GABRR2: variants seen among roughly 807,000 people sequenced by gnomAD.
GABRR2 encodes gamma-aminobutyric acid receptor subunit rho-2.
A neutral mutation model predicts 47.0 loss-of-function variants in GABRR2; 36 were observed. The observed-to-expected ratio is 0.77, with a 90% confidence interval of 0.59 to 1.01. GABRR2 has a LOEUF of 1.01. GABRR2 is among the 50% of genes least tolerant of loss of function. The probability of loss-of-function intolerance (pLI) is 0.00; values close to 1 mark genes in which losing one functional copy is unlikely to be tolerated. For missense variants in GABRR2, 587 were observed against 594.6 expected (o/e 0.99, Z 0.13); for synonymous variants, 204 against 227.5 (o/e 0.90, Z 0.93).
intron 2 of GABRR2, among the ~76,000 whole-genome samples, chr6:89,283,769 T>A (rs182319821): frequency 1.5e-3 from 224 of 152,280 alleles, no homozygotes; most frequent in African/African-American, 5.1e-3. Context: ...GAGCTCCCTG[T>A]GAATAGCACA....
At chr6:89,281,774 C>T (rs771854872) in intron 2 of GABRR2, among the ~76,000 whole-genome samples, 46 of 152,096 alleles carry the variant, frequency 3.0e-4, no homozygotes, top group Non-Finnish European at 5.7e-4. Context: ...TGCCACTAAG[C>T]GCTTCTCTGG....
chr6:89,263,802 C>T (rs1310411177), intron 8 of GABRR2, among the ~76,000 whole-genome samples: 3 of 152,214 alleles, frequency 2.0e-5, no homozygotes, highest in African/African-American at 7.2e-5. Context: ...GGATTATAGG[C>T]GTGAGCCACC....
chr6:89,299,882 G>T lies in GABRR2; in HGVS notation c.114-17C>A, dbSNP rs201286050. 5 of 1,534,400 alleles carry T rather than the reference G, an allele frequency of 3.3e-6. No individual in the cohort carries two copies. Among genetic ancestry groups the T allele is most frequent in the Non-Finnish European group, 4.5e-6 (5 of 1,107,426 alleles). ...TATAAGTGACTGTGAAGACAAGCAA[G>T]AAACTATTTTCCATCGGCTCTTCAA... On this transcript the variant is annotated splice_polypyrimidine_tract_variant and intron_variant, in intron 1 of 8. Transcript: ENST00000402938.
At chr6:89,311,745 G>A (rs1047070620) in intron 1 of GABRR2, among the ~76,000 whole-genome samples, 8 of 152,180 alleles carry the variant, frequency 5.3e-5, no homozygotes, top group Non-Finnish European at 1.0e-4. Context: ...ACTGCAGGAC[G>A]TTAGGCAGAC....
At chr6:89,268,725 A>G (rs571623720) in intron 4 of GABRR2, among the ~76,000 whole-genome samples, 1 of 151,956 alleles carries the variant, frequency 6.6e-6, no homozygotes, top group East Asian at 1.9e-4. Context: ...TCAATCAACT[A>G]GAATCACATG....
chr6:89,268,425 G>C (rs1161980019), intron 4 of GABRR2, among the ~76,000 whole-genome samples: 4 of 152,214 alleles, frequency 2.6e-5, no homozygotes, highest in Admixed American at 2.6e-4. Flanking sequence ...AGATGCCTGG[G>C]AGGCCCCCTC....
intron 2 of GABRR2, among the ~76,000 whole-genome samples, chr6:89,276,569 G>A (rs530745597): frequency 4.6e-5 from 7 of 152,146 alleles, no homozygotes; most frequent in South Asian, 2.1e-4. Flanking sequence ...ATAGTAAACC[G>A]TTGTAAGATT....
chr6:89,302,207 A>AG (rs2127848112), intron 1 of GABRR2: 1 of 558,856 alleles, frequency 1.8e-6, no homozygotes, highest in Admixed American at 2.0e-5. Flanking sequence ...CGGGGGCACA[A>AG]GCTCGGGTAT....
rs575915865 is a variant in GABRR2 at position 89,260,593 on chromosome 6, G to A, written c.1087-2612C>T. Among the ~76,000 whole-genome samples the A allele has an allele frequency of 2.6e-5, 4 of 152,262 alleles. No individual in the cohort carries two copies. The East Asian group carries it at 7.7e-4, about 29-fold the overall frequency. ...CCTTCAAACCAGGGGTGGGCCTAAC[G>A]GGTCCCAGGCAGCTTTTACCTTTAC... On this transcript the variant is annotated intron_variant, in intron 8 of 8. Transcript: ENST00000402938.
intron 3 of GABRR2, 59 bp downstream of exon 3, chr6:89,271,596 C>T: frequency 1.4e-6 from 2 of 1,456,798 alleles, no homozygotes; most frequent in South Asian, 2.4e-5. Context: ...ACAGCCTGCA[C>T]CACCGAGGCC....
chr6:89,257,597 C>T lies in GABRR2; in HGVS notation c.*73G>A, dbSNP rs1016860444. ...TGTTTGGTGAGGGGCGTGTGGTCAA[C>T]AAGTCCGTCTGTCAATGACTGGCCA... On this transcript the variant is annotated 3_prime_UTR_variant, in exon 9 of 9. Coordinates refer to ENST00000402938, the MANE Select transcript of GABRR2 (RefSeq NM_002043.5). The T allele has an allele frequency of 1.1e-5, 14 of 1,251,254 alleles. No homozygotes were observed. The African/African-American group carries it at 2.0e-4, about 17-fold the overall frequency. 77.5% of individuals were successfully genotyped at this position (1,251,254 alleles called of 1,614,324 possible).
At chr6:89,262,457 G>A (rs2127826290) in intron 8 of GABRR2, among the ~76,000 whole-genome samples, 1 of 152,270 alleles carries the variant, frequency 6.6e-6, no homozygotes, top group Middle Eastern at 3.4e-3. Flanking sequence ...CTGTTTCCAG[G>A]TCTTTACAGG....
At chr6:89,278,014 C>T (rs1025791316) in intron 2 of GABRR2, among the ~76,000 whole-genome samples, 4 of 152,196 alleles carry the variant, frequency 2.6e-5, no homozygotes, top group African/African-American at 7.2e-5. Context: ...CAAAAATATT[C>T]ACAAAGCATT....
chr6:89,287,186 T>C (rs1774347520), intron 2 of GABRR2, among the ~76,000 whole-genome samples: 1 of 152,060 alleles, frequency 6.6e-6, no homozygotes, highest in Non-Finnish European at 1.5e-5. Context: ...TCAAACCTCC[T>C]CTAGGGAAGA....
chr6:89,306,337 G>A (rs564601971), intron 1 of GABRR2, among the ~76,000 whole-genome samples: 179 of 151,814 alleles, frequency 1.2e-3, no homozygotes, highest in African/African-American at 4.1e-3. Flanking sequence ...TCTAGCCTGA[G>A]TAACAGAGTG....
intron 1 of GABRR2, among the ~76,000 whole-genome samples, chr6:89,306,272 G>C (rs560890367): frequency 2.0e-5 from 3 of 152,024 alleles, no homozygotes; most frequent in South Asian, 4.2e-4. Context: ...AGCAAATTGA[G>C]AGGCTGAGAC....
chr6:89,285,032 G>C (rs188416609), intron 2 of GABRR2, among the ~76,000 whole-genome samples: 1 of 152,194 alleles, frequency 6.6e-6, no homozygotes, highest in Non-Finnish European at 1.5e-5. Context: ...CTGTGAAAAC[G>C]AGTTTGCCTG....
At chr6:89,305,850 G>A (rs1292995814) in intron 1 of GABRR2, among the ~76,000 whole-genome samples, 5 of 152,082 alleles carry the variant, frequency 3.3e-5, no homozygotes, top group African/African-American at 7.2e-5. Context: ...TGTCGAGTAC[G>A]GGGCTTCGTA....
intron 2 of GABRR2, among the ~76,000 whole-genome samples, chr6:89,281,123 C>T (rs1422910536): frequency 6.6e-6 from 1 of 152,250 alleles, no homozygotes. Flanking sequence ...CCTGTGCCTG[C>T]ACTGACTGAG....
Sources: allele counts gnomAD v4.1 joint callset (sites outside exome capture counted in the v4.1 genomes callset), GRCh38; gene constraint gnomAD v4.1.1; transcripts MANE v1.5; gene names NCBI Gene and HGNC (gene_info 2026-07-23, HGNC 2026-07-21).